Variants in TP53BP1 observed in about 807,000 individuals in gnomAD.
TP53BP1 encodes TP53-binding protein 1.
In TP53BP1, 61 loss-of-function variants were observed where a neutral mutation model predicts 200.8. The ratio of observed to expected loss-of-function variants is 0.30; its 90% CI spans 0.25 to 0.38. The LOEUF (loss-of-function observed/expected upper bound fraction) is 0.38. Among genes scored for constraint, TP53BP1 ranks in the 10% least tolerant of loss-of-function variants. The pLI is 1.00. For missense variants in TP53BP1, 2,144 were observed against 2,371.9 expected, an observed-to-expected ratio of 0.90 and a Z score of 2.00; for synonymous variants, 822 against 844.3, an observed-to-expected ratio of 0.97 and a Z score of 0.46.
intron 4 of TP53BP1, among the ~76,000 whole-genome samples, chr15:43,485,840 C>G (rs899633309): frequency 6.6e-6 from 1 of 151,288 alleles, no homozygotes; most frequent in African/African-American, 2.4e-5. Context: ...AGCAAGACTC[C>G]GTTTCAAAAA....
intron 27 of TP53BP1, 111 bp from the exon 28 acceptor site, chr15:43,407,681 C>G: frequency 1.9e-6 from 2 of 1,078,580 alleles, no homozygotes; most frequent in Non-Finnish European, 2.6e-6. Flanking sequence ...AACCAAAGCC[C>G]TATTATGTCA....
intron 4 of TP53BP1, among the ~76,000 whole-genome samples, chr15:43,484,760 T>TG (rs1278698865): frequency 6.6e-6 from 1 of 151,812 alleles, no homozygotes; most frequent in African/African-American, 2.4e-5. Flanking sequence ...TTTTTTGTTT[T>TG]TTTTTTTTAA....
chr15:43,453,931 G>C (rs2046232002), intron 12 of TP53BP1, among the ~76,000 whole-genome samples: 1 of 152,078 alleles, frequency 6.6e-6, no homozygotes, highest in East Asian at 1.9e-4. Context: ...TTCTAGGCTG[G>C]GTGCAGCGGC....
intron 10 of TP53BP1, among the ~76,000 whole-genome samples, chr15:43,470,953 C>G (rs1387666139): frequency 6.6e-6 from 1 of 152,164 alleles, no homozygotes; most frequent in Admixed American, 6.5e-5. Flanking sequence ...CAGTCTACAC[C>G]TAATTTGGGA....
chr15:43,407,620 C>T, intron 27 of TP53BP1, 50 bp from the exon 28 acceptor site: 5 of 1,537,900 alleles, frequency 3.3e-6, no homozygotes, highest in South Asian at 1.2e-5. Context: ...CAACTTAGCC[C>T]TCCATTAGAA....
intron 19 of TP53BP1, chr15:43,421,637 A>G (rs1595532960): frequency 1.6e-6 from 1 of 635,542 alleles, no homozygotes; most frequent in East Asian, 2.8e-5. Context: ...ACATTTTCTC[A>G]GGGGCTGCTT....
intron 10 of TP53BP1, among the ~76,000 whole-genome samples, chr15:43,473,827 G>A (rs2264050): frequency 1.1e-4 from 16 of 152,126 alleles, no homozygotes; most frequent in East Asian, 9.6e-4. Flanking sequence ...GATCTCGCAC[G>A]GGGGCTGCAG....
At chr15:43,424,623 T>G (rs1235932232) in intron 18 of TP53BP1, among the ~76,000 whole-genome samples, 1 of 152,242 alleles carries the variant, frequency 6.6e-6, no homozygotes, top group Non-Finnish European at 1.5e-5. Flanking sequence ...CAAACTATCT[T>G]CCATAGGGAA....
Position 43,407,341 on chromosome 15 carries a change from C to T in TP53BP1, c.*42G>A, listed in dbSNP as rs533628364. ...ATTTAAAACCTGGTTAAAACACAATCTCCACGATAGCAGGGAATAAAACCA... is the reference window on the plus strand; with the variant it reads ...ATTTAAAACCTGGTTAAAACACAATTTCCACGATAGCAGGGAATAAAACCA... On this transcript the variant is annotated 3_prime_UTR_variant, in exon 28 of 28. Transcript: ENST00000382044. 6.3e-7 allele frequency: 1 copy of T among 1,581,864 alleles called. No homozygotes were observed. The highest frequency in any genetic ancestry group is 8.7e-7 in the Non-Finnish European group (1 of 1,154,424).
intron 11 of TP53BP1, among the ~76,000 whole-genome samples, chr15:43,461,692 A>G (rs2046437156): frequency 6.6e-6 from 1 of 150,398 alleles, no homozygotes; most frequent in Non-Finnish European, 1.5e-5. Context: ...TTTTTGAGAC[A>G]CAGTCTTGTT....
At chr15:43,420,826 C>T (rs2045378742) in intron 20 of TP53BP1, 91 bp from the exon 21 acceptor site, 2 of 1,323,794 alleles carry the variant, frequency 1.5e-6, no homozygotes, top group Middle Eastern at 2.5e-4. Flanking sequence ...GTCCATGGGT[C>T]TCCTCAGCCC....
chr15:43,412,779 G>C lies in TP53BP1; in HGVS notation c.5305+340C>G, dbSNP rs147115294. 1.7e-3 allele frequency: 792 copies of C among 476,594 alleles called. 10 individuals are homozygous for C. The highest frequency in any genetic ancestry group is 0.015 in the African/African-American group (741 of 50,390). 29.5% of individuals were successfully genotyped at this position (476,594 alleles called of 1,614,324 possible). A position where few individuals can be genotyped will look rare whatever the true frequency, so the allele number is the denominator to read the frequency against. ...ATGGTTGCAGTAGGCTAAAATGACA[G>C]AGCTCTAGTCACAGGTTTGTCATTA... On this transcript the variant is annotated intron_variant, in intron 24 of 27. Transcript: ENST00000382044.
In TP53BP1 at chr15:43,459,602, T is replaced by TA. The variant is rs2046382015; in HGVS notation, c.1390-2385dup. On this transcript the variant is annotated intron_variant, in intron 11 of 27. Transcript: ENST00000382044. The stretch of plus-strand genomic sequence containing the variant: ...AAGCAAATCTCAAAAATATGCTAAG[T>TA]AAAAGAGCTCAAAAATAAAAGACCA... Among the ~76,000 whole-genome samples, 3 of 151,456 alleles carry TA rather than the reference T, an allele frequency of 2.0e-5. No individual in the cohort carries two copies. The South Asian group carries it at 6.3e-4, about 32-fold the overall frequency.
At chr15:43,409,288 C>T in intron 25 of TP53BP1, 192 bp from the exon 26 acceptor site, 1 of 611,484 alleles carries the variant, frequency 1.6e-6, no homozygotes. Flanking sequence ...GTTCTCTCTG[C>T]CTCACCTGCA....
At chr15:43,447,289 G>A in intron 13 of TP53BP1, 77 bp downstream of exon 13, 1 of 1,483,782 alleles carries the variant, frequency 6.7e-7, no homozygotes, top group Non-Finnish European at 9.2e-7. Context: ...CAACTCCTCA[G>A]ATCTAAAATA....
chr15:43,425,484 G>A (rs1319432242), intron 18 of TP53BP1, among the ~76,000 whole-genome samples: 1 of 152,112 alleles, frequency 6.6e-6, no homozygotes, highest in Admixed American at 6.5e-5. Context: ...TAGCAGATGT[G>A]GTAGCGTGTG....
At chr15:43,432,722 T>A in intron 16 of TP53BP1, 45 bp from the exon 17 acceptor site, 1 of 1,560,654 alleles carries the variant, frequency 6.4e-7, no homozygotes, top group Middle Eastern at 1.7e-4. Flanking sequence ...TAAGCAAGTG[T>A]ATGTGTGAAC....
chr15:43,403,794 G>A lies in TP53BP1; in HGVS notation c.*3589C>T, dbSNP rs760614831. On this transcript the variant is annotated 3_prime_UTR_variant, in exon 28 of 28. Transcript: ENST00000382044. Reference sequence around the variant, plus strand: ...TGGAGCCGCCCAGCTGAGCATTCTCGTGAAGGTGCGTCTGCCTGGAAGTAT... The same window carrying A: ...TGGAGCCGCCCAGCTGAGCATTCTCATGAAGGTGCGTCTGCCTGGAAGTAT... The A allele has an allele frequency of 5.0e-6, 8 of 1,612,588 alleles. No homozygotes were observed. Among genetic ancestry groups the A allele is most frequent in the South Asian group, 2.2e-5 (2 of 91,024 alleles).
chr15:43,420,966 T>G, intron 20 of TP53BP1, 59 bp downstream of exon 20: 1 of 1,560,210 alleles, frequency 6.4e-7, no homozygotes, highest in Non-Finnish European at 8.7e-7. Flanking sequence ...TACTCCCCTC[T>G]CCTCCATTCC....
Sources: allele counts gnomAD v4.1 joint callset (sites outside exome capture counted in the v4.1 genomes callset), GRCh38; gene constraint gnomAD v4.1.1; transcripts MANE v1.5; gene names NCBI Gene and HGNC (gene_info 2026-07-23, HGNC 2026-07-21).